The following SMOC2 variants were observed in gnomAD, a reference collection of about 807,000 sequenced individuals.
SMOC2 encodes SPARC related modular calcium binding 2, also known as SPARC-related modular calcium-binding protein 2.
A neutral mutation model predicts 61.4 loss-of-function variants in SMOC2; 39 were observed. The observed-to-expected ratio is 0.64, with a 90% CI of 0.49 to 0.83. The LOEUF (loss-of-function observed/expected upper bound fraction) is 0.83. SMOC2 is among the 40% of genes least tolerant of loss of function. SMOC2 has a pLI of 0.00. For missense variants in SMOC2, 556 were observed against 592.9 expected, an observed-to-expected ratio of 0.94 and a Z score of 0.65; for synonymous variants, 247 against 239.9, an observed-to-expected ratio of 1.03 and a Z score of -0.27.
At chr6:168,501,418 G>A (rs545806617) in intron 1 of SMOC2, among the ~76,000 whole-genome samples, 1 of 152,234 alleles carries the variant, frequency 6.6e-6, no homozygotes, top group African/African-American at 2.4e-5. Flanking sequence ...CCTTGCTGCG[G>A]TGCCAGGAAC....
At chr6:168,563,411 A>G (rs1028582537) in intron 7 of SMOC2, among the ~76,000 whole-genome samples, 1 of 152,122 alleles carries the variant, frequency 6.6e-6, no homozygotes, top group African/African-American at 2.4e-5. Context: ...TTGTGTGCAT[A>G]TATATATACA....
chr6:168,516,642 G>A (rs1783140927), intron 2 of SMOC2, among the ~76,000 whole-genome samples: 1 of 152,154 alleles, frequency 6.6e-6, no homozygotes, highest in South Asian at 2.1e-4. Flanking sequence ...GAGGCCCACG[G>A]TGCAGGAAGT....
chr6:168,515,617 G>A lies in SMOC2; in HGVS notation c.256+5531G>A, dbSNP rs9364257. 9.7e-3 allele frequency among the ~76,000 whole-genome samples: 1,465 copies of A among 151,752 alleles called. 13 individuals are homozygous for A. Among genetic ancestry groups the A allele is most frequent in the Non-Finnish European group, 0.013 (905 of 67,846 alleles). ...AGACGGGCCTTGCCCTGAGCGGCCG[G>A]CTCCTTCCTAGGCCTCGCCCTGAGG... On this transcript the variant is annotated intron_variant, in intron 2 of 12. Coordinates refer to ENST00000356284, the MANE Select transcript of SMOC2 (RefSeq NM_001166412.2).
intron 1 of SMOC2, among the ~76,000 whole-genome samples, chr6:168,498,087 C>T (rs573001369): frequency 1.2e-4 from 18 of 152,318 alleles, no homozygotes; most frequent in African/African-American, 4.3e-4. Context: ...GCCTCTCGGA[C>T]ATATTGTTTC....
chr6:168,537,414 T>G (rs944800787), intron 4 of SMOC2, among the ~76,000 whole-genome samples: 7 of 152,106 alleles, frequency 4.6e-5, no homozygotes, highest in African/African-American at 1.7e-4. Context: ...AATACAGCAC[T>G]CTGCAGGCTG....
intron 1 of SMOC2, among the ~76,000 whole-genome samples, chr6:168,469,479 G>A (rs933302907): frequency 6.6e-6 from 1 of 152,152 alleles, no homozygotes; most frequent in South Asian, 2.1e-4. Context: ...TGAACTTCAG[G>A]GATCAATAGA....
chr6:168,563,166 T>C (rs185673465), intron 7 of SMOC2, among the ~76,000 whole-genome samples: 32 of 152,360 alleles, frequency 2.1e-4, no homozygotes, highest in Non-Finnish European at 3.4e-4. Context: ...CTCTGCATGG[T>C]GTGGATCCTG....
intron 7 of SMOC2, among the ~76,000 whole-genome samples, chr6:168,581,806 T>G (rs1784926450): frequency 6.6e-6 from 1 of 151,744 alleles, no homozygotes; most frequent in African/African-American, 2.4e-5. Flanking sequence ...CTCCCCTCCC[T>G]TCCTCATTGA....
chr6:168,578,673 T>C (rs1360840699), intron 7 of SMOC2, among the ~76,000 whole-genome samples: 1 of 152,230 alleles, frequency 6.6e-6, no homozygotes, highest in Non-Finnish European at 1.5e-5. Context: ...GGTTGAGTTA[T>C]ATCTTGGGAT....
intron 11 of SMOC2, among the ~76,000 whole-genome samples, chr6:168,657,842 G>A (rs915071830): frequency 6.6e-6 from 1 of 152,124 alleles, no homozygotes; most frequent in Non-Finnish European, 1.5e-5. Flanking sequence ...CAATATAATG[G>A]CATTCACCTA....
intron 9 of SMOC2, among the ~76,000 whole-genome samples, chr6:168,641,246 A>G (rs773146842): frequency 5.3e-5 from 8 of 152,136 alleles, no homozygotes; most frequent in Non-Finnish European, 1.2e-4. Flanking sequence ...TCCTCCCCGG[A>G]TGGCAGAGGA....
chr6:168,519,227 G>A (rs990656576), intron 2 of SMOC2, among the ~76,000 whole-genome samples: 7 of 150,774 alleles, frequency 4.6e-5, no homozygotes, highest in African/African-American at 1.7e-4. Flanking sequence ...GAGAGAGTGT[G>A]TATACGTGCA....
At chr6:168,505,144 C>A (rs1562560034) in intron 1 of SMOC2, among the ~76,000 whole-genome samples, 1 of 149,564 alleles carries the variant, frequency 6.7e-6, no homozygotes, top group African/African-American at 2.4e-5. Flanking sequence ...AATGAAATGT[C>A]CATCTCTCAG....
intron 1 of SMOC2, among the ~76,000 whole-genome samples, chr6:168,491,589 A>T (rs1782472407): frequency 6.6e-6 from 1 of 152,234 alleles, no homozygotes; most frequent in African/African-American, 2.4e-5. Context: ...GTATGTAAAG[A>T]TCAAAAACAT....
At chr6:168,650,475 T>C (rs1168013498) in intron 9 of SMOC2, among the ~76,000 whole-genome samples, 1 of 152,194 alleles carries the variant, frequency 6.6e-6, no homozygotes. Context: ...TCTCACGTAA[T>C]AATTCAAACA....
At chr6:168,487,300 A>G (rs1204340723) in intron 1 of SMOC2, among the ~76,000 whole-genome samples, 4 of 152,108 alleles carry the variant, frequency 2.6e-5, no homozygotes, top group Non-Finnish European at 5.9e-5. Flanking sequence ...AACGACTCAT[A>G]TTTGGCTTAT....
At chr6:168,509,825 C>A in intron 1 of SMOC2, 90 bp from the exon 2 acceptor site, 1 of 1,323,848 alleles carries the variant, frequency 7.6e-7, no homozygotes, top group African/African-American at 1.5e-5. Flanking sequence ...CATTCCCTGA[C>A]CGTGAAGTGG....
At chr6:168,642,356 G>A (rs572914600) in intron 9 of SMOC2, among the ~76,000 whole-genome samples, 42 of 152,324 alleles carry the variant, frequency 2.8e-4, no homozygotes, top group East Asian at 1.9e-3. Context: ...GCCAAAACTC[G>A]GTGACTGGCA....
chr6:168,473,328 G>T (rs901381222), intron 1 of SMOC2, among the ~76,000 whole-genome samples: 1 of 152,238 alleles, frequency 6.6e-6, no homozygotes, highest in African/African-American at 2.4e-5. Flanking sequence ...AGGCACAGCA[G>T]GGACTGCGGG....
Sources: gnomAD v4.1 joint callset for allele counts (sites outside exome capture counted in the v4.1 genomes callset) on GRCh38, gnomAD v4.1.1 for gene constraint, MANE v1.5 for transcripts, NCBI Gene and HGNC (gene_info 2026-07-23, HGNC 2026-07-21) for gene names.